NELL2: variants seen among roughly 807,000 people sequenced by gnomAD.
NELL2 encodes neural EGFL like 2.
A neutral mutation model predicts 109.6 loss-of-function variants in NELL2; 41 were observed. The observed-to-expected ratio is 0.37, with a 90% confidence interval of 0.29 to 0.49. The LOEUF (loss-of-function observed/expected upper bound fraction) is 0.49. Ranked by LOEUF, NELL2 falls within the 20% of genes least tolerant of loss-of-function variation. NELL2 has a pLI of 0.98. For missense variants in NELL2, 900 were observed against 1,008.3 expected, an observed-to-expected ratio of 0.89 and a Z score of 1.45; for synonymous variants, 355 against 344.7, an observed-to-expected ratio of 1.03 and a Z score of -0.33.
intron 15 of NELL2, among the ~76,000 whole-genome samples, chr12:44,600,365 A>G (rs1279914599): frequency 6.6e-6 from 1 of 151,834 alleles, no homozygotes; most frequent in Non-Finnish European, 1.5e-5. Flanking sequence ...GCTCTAAGAG[A>G]GTACTAAAAT....
At chr12:44,620,116 G>GTTT (rs1278589620) in intron 13 of NELL2, among the ~76,000 whole-genome samples, 1 of 131,346 alleles carries the variant, frequency 7.6e-6, no homozygotes, top group Admixed American at 7.9e-5. Context: ...GTTCGCCTGG[G>GTTT]TTTTGTTTTT....
At chr12:44,613,405 G>C (rs1313008461) in intron 13 of NELL2, among the ~76,000 whole-genome samples, 1 of 152,034 alleles carries the variant, frequency 6.6e-6, no homozygotes, top group Non-Finnish European at 1.5e-5. Flanking sequence ...GGCAAGATAG[G>C]AACTACTTCC....
chr12:44,638,791 C>T (rs1348178990), intron 13 of NELL2, among the ~76,000 whole-genome samples: 2 of 152,180 alleles, frequency 1.3e-5, no homozygotes, highest in Non-Finnish European at 2.9e-5. Flanking sequence ...ACACTATGTA[C>T]AGGCCAAATG....
intron 3 of NELL2, among the ~76,000 whole-genome samples, chr12:44,810,540 C>T (rs1943140651): frequency 6.6e-6 from 1 of 152,048 alleles, no homozygotes; most frequent in Admixed American, 6.6e-5. Context: ...ATTGAAAAAG[C>T]ATATTTTTCA....
At chr12:44,882,248 T>A (rs1945419595) in intron 1 of NELL2, among the ~76,000 whole-genome samples, 1 of 151,722 alleles carries the variant, frequency 6.6e-6, no homozygotes, top group African/African-American at 2.4e-5. Flanking sequence ...CTGTAAAATA[T>A]GTTTGATGGT....
chr12:44,632,150 C>T (rs1192091122), intron 13 of NELL2, among the ~76,000 whole-genome samples: 1 of 151,964 alleles, frequency 6.6e-6, no homozygotes, highest in Admixed American at 6.6e-5. Context: ...TCTCAGAAAA[C>T]TAGAAAGAGA....
chr12:44,719,057 A>G (rs530158628), intron 9 of NELL2, among the ~76,000 whole-genome samples: 1 of 152,332 alleles, frequency 6.6e-6, no homozygotes, highest in East Asian at 1.9e-4. Flanking sequence ...GATAGTCACT[A>G]GCATCATAAT....
chr12:44,914,661 A>G (rs1945813060), upstream of NELL2, among the ~76,000 whole-genome samples: 1 of 152,172 alleles, frequency 6.6e-6, no homozygotes, highest in South Asian at 2.1e-4. Context: ...CCCACAACCT[A>G]GAAGAGTGCT....
chr12:44,671,229 TTCTC>T (rs1053668130), intron 12 of NELL2, among the ~76,000 whole-genome samples: 38 of 152,202 alleles, frequency 2.5e-4, no homozygotes, highest in African/African-American at 8.9e-4. Flanking sequence ...CAATAAAAAG[TTCTC>T]TCTAAGCAAA....
chr12:44,515,050 A>C (rs1441007632), intron 19 of NELL2, among the ~76,000 whole-genome samples: 2 of 151,706 alleles, frequency 1.3e-5, no homozygotes, highest in Non-Finnish European at 3.0e-5. Flanking sequence ...TTATTAAAGA[A>C]AAAGAAGGCA....
At chr12:44,693,330 T>C (rs553260948) in intron 12 of NELL2, among the ~76,000 whole-genome samples, 1 of 152,310 alleles carries the variant, frequency 6.6e-6, no homozygotes, top group South Asian at 2.1e-4. Flanking sequence ...ACACTTAGAC[T>C]ACAGTAGAGT....
intron 3 of NELL2, among the ~76,000 whole-genome samples, chr12:44,812,357 A>G (rs1006308615): frequency 1.3e-5 from 2 of 152,158 alleles, no homozygotes; most frequent in South Asian, 2.1e-4. Context: ...ACCAGCTACC[A>G]TAAAGTCCCC....
chr12:44,741,895 C>CA (rs1939993497), intron 9 of NELL2, among the ~76,000 whole-genome samples: 3 of 152,206 alleles, frequency 2.0e-5, no homozygotes, highest in Admixed American at 2.0e-4. Flanking sequence ...AGGGCACAGA[C>CA]AAACAAAAAG....
chr12:44,729,614 A>G (rs900213256), intron 9 of NELL2, among the ~76,000 whole-genome samples: 5 of 151,808 alleles, frequency 3.3e-5, no homozygotes, highest in African/African-American at 1.2e-4. Context: ...CAAAAGACTT[A>G]CCTAAGATTT....
chr12:44,851,917 A>G (rs999645550), intron 2 of NELL2: 1 of 152,192 alleles, frequency 6.6e-6, no homozygotes, highest in African/African-American at 2.4e-5. Context: ...CTACAATGCC[A>G]TAAGAACAGA....
intron 3 of NELL2, among the ~76,000 whole-genome samples, chr12:44,796,085 T>C (rs995881996): frequency 1.3e-5 from 2 of 152,062 alleles, no homozygotes; most frequent in South Asian, 2.1e-4. Context: ...CCCCTCCCCA[T>C]CCAAAGAGGA....
intron 16 of NELL2, among the ~76,000 whole-genome samples, chr12:44,527,621 CT>C (rs1941844502): frequency 6.6e-6 from 1 of 152,120 alleles, no homozygotes; most frequent in Admixed American, 6.6e-5. Context: ...TGTCTACTTT[CT>C]TTCCCCCAGC....
chr12:44,564,447 G>A (rs572074202), intron 15 of NELL2, among the ~76,000 whole-genome samples: 90 of 152,220 alleles, frequency 5.9e-4, no homozygotes, highest in Non-Finnish European at 1.0e-3. Flanking sequence ...TATTTATATA[G>A]TATCCTCAAG....
At chr12:44,684,964 G>T (rs1422720682) in intron 12 of NELL2, among the ~76,000 whole-genome samples, 1 of 152,084 alleles carries the variant, frequency 6.6e-6, no homozygotes, top group African/African-American at 2.4e-5. Flanking sequence ...TTCAATTCCT[G>T]GGTATCCTTG....
Sources: gnomAD v4.1 joint callset for allele counts (sites outside exome capture counted in the v4.1 genomes callset) on GRCh38, gnomAD v4.1.1 for gene constraint, MANE v1.5 for transcripts, NCBI Gene and HGNC (gene_info 2026-07-23, HGNC 2026-07-21) for gene names.